Variants in NEXN observed in about 807,000 individuals in gnomAD.
The protein encoded by NEXN is nexilin F-actin binding protein, also known as nexilin.
In NEXN, 65 loss-of-function variants were observed where a neutral mutation model predicts 92.6. The ratio of observed to expected loss-of-function variants is 0.70; its 90% CI spans 0.57 to 0.86. The LOEUF (loss-of-function observed/expected upper bound fraction) is 0.86, where lower values mean the gene tolerates loss of function less well. Among genes scored for constraint, NEXN ranks in the 40% least tolerant of loss-of-function variants. The pLI, the probability that NEXN is intolerant of heterozygous loss-of-function variation, is 0.00. For synonymous variants in NEXN, 254 were observed against 242.5 expected, an observed-to-expected ratio of 1.05 and a Z score of -0.44; for missense variants, 778 against 771.1, an observed-to-expected ratio of 1.01 and a Z score of -0.11.
rs1418225705 is a variant in NEXN at position 77,926,400 on chromosome 1, A to G, written c.490-14A>G. On this transcript the variant is annotated splice_polypyrimidine_tract_variant and intron_variant, in intron 6 of 12. Transcript: ENST00000334785. The stretch of plus-strand genomic sequence containing the variant: ...TTAAGAAGAAATAGGCTAATTATCT[A>G]TTTTATAAAATAGGAAGGAGATGAT... 1.3e-6 allele frequency: 2 copies of G among 1,559,706 alleles called. No individual in the cohort carries two copies. Among genetic ancestry groups the G allele is most frequent in the Admixed American group, 1.7e-5 (1 of 59,004 alleles).
intron 9 of NEXN, among the ~76,000 whole-genome samples, chr1:77,931,231 CAAAAAAAAAAAAAAAAAA>C (rs367898061): frequency 0.17 from 20,437 of 120,922 alleles, 1,994 homozygotes; most frequent in Non-Finnish European, 0.23. Context: ...ACTAAAAATA[CAAAAAAAAAAAAAAAAAA>C]AAAAAAAAAA....
chr1:77,911,317 C>A (rs1557969335), intron 1 of NEXN, among the ~76,000 whole-genome samples: 1 of 152,152 alleles, frequency 6.6e-6, no homozygotes, highest in Non-Finnish European at 1.5e-5. Flanking sequence ...TTTGGCCGGG[C>A]AAAATGGCTC....
chr1:77,905,321 CATA>C (rs751183973), intron 1 of NEXN, among the ~76,000 whole-genome samples: 3 of 152,028 alleles, frequency 2.0e-5, no homozygotes, highest in Admixed American at 6.6e-5. Flanking sequence ...TAATGATAAT[CATA>C]ATGATAGTCA....
chr1:77,913,347 G>A (rs1010621690), intron 1 of NEXN, among the ~76,000 whole-genome samples: 49 of 151,622 alleles, frequency 3.2e-4, no homozygotes, highest in African/African-American at 1.2e-3. Context: ...CCCGGGAGGC[G>A]GAGGTTGCAG....
chr1:77,918,370 A>G (rs1275864145), intron 5 of NEXN, 97 bp downstream of exon 5: 3 of 1,362,704 alleles, frequency 2.2e-6, no homozygotes, highest in South Asian at 2.4e-5. Flanking sequence ...TTAATGTAAC[A>G]TAAACCTATT....
At chr1:77,895,600 A>G (rs2102033213) in intron 1 of NEXN, among the ~76,000 whole-genome samples, 1 of 152,338 alleles carries the variant, frequency 6.6e-6, no homozygotes, top group African/African-American at 2.4e-5. Flanking sequence ...ACTGTGGCTC[A>G]CGCCTGTAAT....
chr1:77,910,272 A>G (rs2102069897), intron 1 of NEXN, among the ~76,000 whole-genome samples: 1 of 152,342 alleles, frequency 6.6e-6, no homozygotes, highest in East Asian at 1.9e-4. Flanking sequence ...GGAACAAGAC[A>G]AAGATATCTG....
Position 77,940,893 on chromosome 1 carries a change from T to C in NEXN, c.1474-1130T>C, listed in dbSNP as rs1049079404. Reference sequence around the variant, plus strand: ...ACTGAAGGTAAATAATGGCACAAAATAGAATTTACGCACCAGGTAGCAGGT... The same window carrying C: ...ACTGAAGGTAAATAATGGCACAAAACAGAATTTACGCACCAGGTAGCAGGT... On this transcript the variant is annotated intron_variant, in intron 11 of 12. Coordinates refer to ENST00000334785, the MANE Select transcript of NEXN (RefSeq NM_144573.4). Among the ~76,000 whole-genome samples, 24 of 152,282 alleles carry C rather than the reference T, an allele frequency of 1.6e-4. No individual in the cohort carries two copies. In the East Asian group the frequency reaches 2.5e-3, roughly 16 times the overall value.
chr1:77,916,121 C>T lies in NEXN; in HGVS notation c.15C>T (p.Ser5=), dbSNP rs1414097117. 1.2e-6 allele frequency: 2 copies of T among 1,605,984 alleles called. No homozygotes were observed. The highest frequency in any genetic ancestry group is 8.5e-7 in the Non-Finnish European group (1 of 1,175,420). The change falls in exon 2 of 13, where the codon TCC becomes TCT. Residue 5 remains serine (S), a synonymous_variant. Coordinates refer to ENST00000334785, the MANE Select transcript of NEXN (RefSeq NM_144573.4). MNDI[S]QKAEILLSSS... is the part of the protein sequence containing the mutation. ...ATAGAGCAAACATGAATGATATTTC[C>T]CAAAAGGCTGAGGTAAGTCTCAAAA...
At position 77,891,920 on chromosome 1, in the gene NEXN, A is replaced by G. The variant is rs1290662596; in HGVS notation, c.-53+3161A>G. Among the ~76,000 whole-genome samples the G allele has an allele frequency of 2.6e-5, 4 of 151,946 alleles. No homozygotes were observed. In the East Asian group the frequency reaches 5.8e-4, roughly 22 times the overall value. ...TAGTGAGACCCACCCCCATCTCTACAAAAAATTTAAAAATTAGCCAGATGT... is the reference window on the plus strand; with the variant it reads ...TAGTGAGACCCACCCCCATCTCTACGAAAAATTTAAAAATTAGCCAGATGT... On this transcript the variant is annotated intron_variant, in intron 1 of 12. Transcript: ENST00000334785.
chr1:77,895,191 C>T lies in NEXN; in HGVS notation c.-53+6432C>T, dbSNP rs376117570. Among the ~76,000 whole-genome samples the T allele has an allele frequency of 1.5e-4, 22 of 151,530 alleles. No individual in the cohort carries two copies. In the East Asian group the frequency reaches 3.9e-3, roughly 27 times the overall value. On this transcript the variant is annotated intron_variant, in intron 1 of 12. Coordinates refer to ENST00000334785, the MANE Select transcript of NEXN (RefSeq NM_144573.4). Reference sequence around the variant, plus strand: ...TCCCGAGTAGCTGGGACTACAGGCACCCGCCACCATGATTGGCTAATTTTT... The same window carrying T: ...TCCCGAGTAGCTGGGACTACAGGCATCCGCCACCATGATTGGCTAATTTTT...
chr1:77,911,816 C>T (rs1190345469), intron 1 of NEXN, among the ~76,000 whole-genome samples: 1 of 151,544 alleles, frequency 6.6e-6, no homozygotes, highest in African/African-American at 2.4e-5. Flanking sequence ...GGCACGGTGG[C>T]TCATGCTTGT....
intron 1 of NEXN, among the ~76,000 whole-genome samples, chr1:77,908,488 C>T (rs1224126788): frequency 2.7e-5 from 4 of 150,182 alleles, no homozygotes. Context: ...GCAACCTCTG[C>T]CTCCCGGGTT....
intron 1 of NEXN, among the ~76,000 whole-genome samples, chr1:77,906,790 G>C (rs1265624548): frequency 6.6e-6 from 1 of 151,958 alleles, no homozygotes; most frequent in East Asian, 1.9e-4. Flanking sequence ...AAGTAGCTGG[G>C]ACTACAGGGA....
intron 9 of NEXN, among the ~76,000 whole-genome samples, chr1:77,931,231 C>CAAAAAAAAA (rs367898061): frequency 6.8e-4 from 82 of 120,536 alleles, no homozygotes; most frequent in Admixed American, 1.1e-3. Context: ...ACTAAAAATA[C>CAAAAAAAAA]AAAAAAAAAA....
At chr1:77,923,691 T>G (rs1026798330) in intron 5 of NEXN, among the ~76,000 whole-genome samples, 1 of 149,402 alleles carries the variant, frequency 6.7e-6, no homozygotes, top group African/African-American at 2.5e-5. Context: ...TTTTTTTTTT[T>G]TTTTTTTTGA....
intron 12 of NEXN, 103 bp from the exon 13 acceptor site, chr1:77,942,354 TTGTA>T (rs1156459981): frequency 7.2e-7 from 1 of 1,382,900 alleles, no homozygotes; most frequent in African/African-American, 1.4e-5. Context: ...GTAGGCACAC[TTGTA>T]TGTTCTTTAC....
At position 77,912,979 on chromosome 1, in the gene NEXN, G is replaced by T. The variant is rs535337140; in HGVS notation, c.-52-3076G>T. Among the ~76,000 whole-genome samples, 6 of 152,242 alleles carry T rather than the reference G, an allele frequency of 3.9e-5. No individual in the cohort carries two copies. The East Asian group carries it at 1.2e-3, about 29-fold the overall frequency. The stretch of plus-strand genomic sequence containing the variant: ...AATTAAAAAATTCTGTTCTGCAAAA[G>T]ACACTGTGAAAAGAATTAAAAAATA... On this transcript the variant is annotated intron_variant, in intron 1 of 12. Coordinates refer to ENST00000334785, the MANE Select transcript of NEXN (RefSeq NM_144573.4).
At chr1:77,933,230 T>C in intron 9 of NEXN, 52 bp from the exon 10 acceptor site, 1 of 1,130,678 alleles carries the variant, frequency 8.8e-7, no homozygotes, top group Non-Finnish European at 1.3e-6. Context: ...AAATAGTCCC[T>C]TTTTAGTATG....
Sources: gnomAD v4.1 joint callset for allele counts (sites outside exome capture counted in the v4.1 genomes callset) on GRCh38, gnomAD v4.1.1 for gene constraint, MANE v1.5 for transcripts, NCBI Gene and HGNC (gene_info 2026-07-23, HGNC 2026-07-21) for gene names.